Variants in LTBP1 observed in about 807,000 individuals in gnomAD.
LTBP1 encodes the protein latent-transforming growth factor beta-binding protein 1.
A neutral mutation model predicts 207.6 loss-of-function variants in LTBP1; 129 were observed. The ratio of observed to expected loss-of-function variants is 0.62; its 90% confidence interval spans 0.54 to 0.72. The LOEUF (loss-of-function observed/expected upper bound fraction) is 0.72, where lower values mean the gene tolerates loss of function less well. Ranked by LOEUF, LTBP1 falls within the 30% of genes least tolerant of loss-of-function variation. The pLI is 0.00. For missense variants in LTBP1, 2,281 were observed against 2,217.2 expected, an observed-to-expected ratio of 1.03 and a Z score of -0.58; for synonymous variants, 963 against 833.7, an observed-to-expected ratio of 1.16 and a Z score of -2.67.
chr2:33,082,799 T>C (rs1266120065), intron 3 of LTBP1, among the ~76,000 whole-genome samples: 2 of 152,196 alleles, frequency 1.3e-5, no homozygotes, highest in Non-Finnish European at 2.9e-5. Context: ...CATCTCTTTA[T>C]TCTTCTTTTG....
intron 3 of LTBP1, among the ~76,000 whole-genome samples, chr2:33,072,197 T>C (rs1003932701): frequency 2.4e-4 from 36 of 152,214 alleles, no homozygotes; most frequent in African/African-American, 8.7e-4. Flanking sequence ...TTATAAAGGA[T>C]ATTGCAAAGG....
rs1234581081 is a variant in LTBP1 at position 32,947,624 on chromosome 2, G to A, written c.300G>A (p.Pro100=). ...GCGCGGCCCTGCAGGGGCTCAGACC[G>A]CCGCCGCCGCCGCCGCCGGAGCCTG... ...PGGAALQGLR[P]PPPPPPEPAR... The change falls in exon 1 of 34, where the codon CCG becomes CCA. Residue 100 remains proline, a synonymous_variant. Transcript: ENST00000404816. The A allele has an allele frequency of 2.8e-5, 34 of 1,231,088 alleles. No individual in the cohort carries two copies. In the South Asian group the frequency reaches 3.5e-4, roughly 13 times the overall value. The allele number at this position is 1,231,088 out of a possible 1,614,324, so 76.3% of individuals were successfully genotyped here.
At chr2:33,069,345 A>G (rs2077672715) in intron 3 of LTBP1, among the ~76,000 whole-genome samples, 1 of 152,140 alleles carries the variant, frequency 6.6e-6, no homozygotes, top group South Asian at 2.1e-4. Flanking sequence ...CCTCCTGTGC[A>G]TGGGAATATC....
chr2:32,988,952 C>T (rs1171928576), intron 2 of LTBP1, among the ~76,000 whole-genome samples: 2 of 151,840 alleles, frequency 1.3e-5, no homozygotes, highest in East Asian at 3.9e-4. Flanking sequence ...TTCTATTTCT[C>T]AGAACAGAAT....
At chr2:33,326,897 C>T (rs939646311) in intron 24 of LTBP1, among the ~76,000 whole-genome samples, 11 of 152,074 alleles carry the variant, frequency 7.2e-5, no homozygotes, top group African/African-American at 2.4e-4. Flanking sequence ...CTCCTAACCA[C>T]GTCAGTCTCC....
At chr2:33,284,851 G>A (rs536756466) in intron 19 of LTBP1, among the ~76,000 whole-genome samples, 3 of 152,212 alleles carry the variant, frequency 2.0e-5, no homozygotes, top group Middle Eastern at 3.4e-3. Context: ...TGCTGTTTAA[G>A]CTTTCTTGCC....
intron 3 of LTBP1, among the ~76,000 whole-genome samples, chr2:33,109,114 C>G (rs1237548515): frequency 6.6e-6 from 1 of 152,206 alleles, no homozygotes; most frequent in Admixed American, 6.5e-5. Context: ...CTAGCCTCTT[C>G]TATTCCTTTA....
At chr2:33,143,698 C>T (rs543685755) in intron 5 of LTBP1, among the ~76,000 whole-genome samples, 2 of 152,232 alleles carry the variant, frequency 1.3e-5, no homozygotes, top group South Asian at 2.1e-4. Context: ...TTCCTGCTCC[C>T]GCTCTTGCAT....
At chr2:33,209,940 G>C (rs2090179186) in intron 7 of LTBP1, among the ~76,000 whole-genome samples, 1 of 152,220 alleles carries the variant, frequency 6.6e-6, no homozygotes, top group Non-Finnish European at 1.5e-5. Flanking sequence ...AGACAAAATA[G>C]GCAGAGAGAC....
At chr2:33,018,689 A>G (rs1010017184) in intron 2 of LTBP1, among the ~76,000 whole-genome samples, 3 of 152,218 alleles carry the variant, frequency 2.0e-5, no homozygotes. Flanking sequence ...AATTCTAGAA[A>G]CACAGAGCTT....
chr2:33,205,611 A>G (rs1021757290), intron 7 of LTBP1, among the ~76,000 whole-genome samples: 2 of 152,126 alleles, frequency 1.3e-5, no homozygotes, highest in African/African-American at 2.4e-5. Flanking sequence ...ACAGCAGGGA[A>G]CGAGAGGTTC....
chr2:33,322,095 T>A lies in LTBP1; in HGVS notation c.3730+6826T>A, dbSNP rs1372462877. Among the ~76,000 whole-genome samples, 5 of 151,964 alleles carry A rather than the reference T, an allele frequency of 3.3e-5. No individual in the cohort carries two copies. The East Asian group carries it at 9.7e-4, about 29-fold the overall frequency. ...TATATCAACATTTGTATAAAGAAAT[T>A]CATAATAGTAGCAAAAAATTTGAGA... On this transcript the variant is annotated intron_variant, in intron 24 of 33. Coordinates refer to ENST00000404816, the MANE Select transcript of LTBP1 (RefSeq NM_206943.4).
intron 31 of LTBP1, among the ~76,000 whole-genome samples, chr2:33,379,484 A>G (rs2095187780): frequency 6.6e-6 from 1 of 152,198 alleles, no homozygotes; most frequent in African/African-American, 2.4e-5. Flanking sequence ...GCTGGGATTC[A>G]TAGGCATGAG....
At position 33,175,877 on chromosome 2, in the gene LTBP1, T is replaced by C. The variant is rs188051406; in HGVS notation, c.1202-10979T>C. ...GTAGGGACATGGATGAAATTGGAAA[T>C]CATCATTCTCAGTAAACGATCGCAA... On this transcript the variant is annotated intron_variant, in intron 5 of 33. Transcript: ENST00000404816. Among the ~76,000 whole-genome samples, 242 of 139,514 alleles carry C rather than the reference T, an allele frequency of 1.7e-3. 3 individuals carry two copies. Among genetic ancestry groups the C allele is most frequent in the African/African-American group, 6.1e-3 (232 of 37,740 alleles). The allele number at this position is 139,514 out of a possible 152,430, so 91.5% of individuals were successfully genotyped here.
At chr2:33,377,912 A>G (rs971211194) in intron 31 of LTBP1, among the ~76,000 whole-genome samples, 1 of 152,168 alleles carries the variant, frequency 6.6e-6, no homozygotes, top group Non-Finnish European at 1.5e-5. Context: ...CTCCCTCACT[A>G]TCATGAGAAC....
intron 2 of LTBP1, among the ~76,000 whole-genome samples, chr2:32,961,583 T>C (rs973037508): frequency 3.9e-5 from 6 of 152,148 alleles, no homozygotes; most frequent in African/African-American, 1.4e-4. Flanking sequence ...AATTTACACG[T>C]TGAATTAGTC....
intron 5 of LTBP1, among the ~76,000 whole-genome samples, chr2:33,154,487 G>A (rs765360797): frequency 3.9e-5 from 6 of 152,070 alleles, no homozygotes; most frequent in Non-Finnish European, 8.8e-5. Flanking sequence ...TGTACCATGC[G>A]TTGTTCAGTT....
chr2:33,258,979 G>A (rs903680752), intron 12 of LTBP1, among the ~76,000 whole-genome samples: 6 of 152,166 alleles, frequency 3.9e-5, no homozygotes, highest in African/African-American at 7.2e-5. Context: ...ATTGTGTAAT[G>A]TATAATTTGT....
rs577864375 is a variant in LTBP1, at chr2:33,208,528, G to A, written c.1702-9024G>A. Among the ~76,000 whole-genome samples, 3 of 152,264 alleles carry A rather than the reference G, an allele frequency of 2.0e-5. No individual in the cohort carries two copies. In the South Asian group the frequency reaches 6.2e-4, roughly 32 times the overall value. ...CCATTATTATGGTTATCCTTGATTA[G>A]GTTGGCCTAGGTCAGGGTATGAGGA... On this transcript the variant is annotated intron_variant, in intron 7 of 33. Coordinates refer to ENST00000404816, the MANE Select transcript of LTBP1 (RefSeq NM_206943.4).
Sources: allele counts gnomAD v4.1 joint callset (sites outside exome capture counted in the v4.1 genomes callset), GRCh38; gene constraint gnomAD v4.1.1; transcripts MANE v1.5; gene names NCBI Gene and HGNC (gene_info 2026-07-23, HGNC 2026-07-21).